SAMD5: variants seen among roughly 807,000 people sequenced by gnomAD.
SAMD5 encodes the protein sterile alpha motif domain-containing protein 5.
Under a neutral mutation model 11.3 loss-of-function variants are expected in SAMD5, and 13 were observed. That is an observed-to-expected ratio of 1.15 (90% CI 0.75 to 1.83). SAMD5 has a LOEUF of 1.83. SAMD5 is among the 40% of genes most tolerant of loss of function. SAMD5 has a pLI of 0.00. For missense variants in SAMD5, 255 were observed against 239.1 expected (o/e 1.07, Z -0.44); for synonymous variants, 129 against 111.3 (o/e 1.16, Z -1.00).
In SAMD5 at chr6:147,608,755, C is replaced by T. The variant is rs141342557; in HGVS notation, c.162+99368C>T. Among the ~76,000 whole-genome samples the T allele has an allele frequency of 4.5e-3, 678 of 152,148 alleles. 6 individuals are homozygous for T. Among genetic ancestry groups the T allele is most frequent in the African/African-American group, 0.016 (650 of 41,524 alleles). ...TGACAGCACAATCAACTTATGATAGCCAACCATAACTTAATTGTACATTTT... is the reference window on the plus strand; with the variant it reads ...TGACAGCACAATCAACTTATGATAGTCAACCATAACTTAATTGTACATTTT... On this transcript the variant is annotated intron_variant, in intron 1 of 1. Transcript: ENST00000566741.
chr6:147,705,891 T>C (rs916251784), intron 1 of SAMD5, among the ~76,000 whole-genome samples: 3 of 152,216 alleles, frequency 2.0e-5, no homozygotes, highest in African/African-American at 7.2e-5. Flanking sequence ...AACACTATAG[T>C]TTCCAACAAT....
chr6:147,761,288 AT>A, the SAMD5 span, among the ~76,000 whole-genome samples: 1 of 152,112 alleles, frequency 6.6e-6, no homozygotes, highest in East Asian at 1.9e-4. Context: ...GTTTTGTTAA[AT>A]TTTTTCAATG....
intron 1 of SAMD5, among the ~76,000 whole-genome samples, chr6:147,727,660 T>A (rs1583155802): frequency 1.3e-5 from 2 of 151,206 alleles, no homozygotes; most frequent in African/African-American, 4.9e-5. Context: ...GACTTAGGCA[T>A]CTGGCTTTTT....
At chr6:147,667,903 A>G (rs913302800) in intron 1 of SAMD5, among the ~76,000 whole-genome samples, 1 of 152,220 alleles carries the variant, frequency 6.6e-6, no homozygotes, top group Non-Finnish European at 1.5e-5. Flanking sequence ...TCTTTGTCCT[A>G]TAAAAAGTCC....
chr6:147,694,885 A>G (rs1562353542), intron 1 of SAMD5, among the ~76,000 whole-genome samples: 1 of 152,216 alleles, frequency 6.6e-6, no homozygotes, highest in Non-Finnish European at 1.5e-5. Context: ...GAAATTCTGA[A>G]CTCATATCAA....
chr6:147,523,146 G>T (rs1228052765), intron 1 of SAMD5, among the ~76,000 whole-genome samples: 1 of 151,952 alleles, frequency 6.6e-6, no homozygotes, highest in Non-Finnish European at 1.5e-5. Context: ...TATACACTTA[G>T]GAGCTGCTTG....
chr6:147,890,095 T>G, the SAMD5 span, among the ~76,000 whole-genome samples: 2 of 152,106 alleles, frequency 1.3e-5, no homozygotes, highest in Non-Finnish European at 2.9e-5. Context: ...TTTTAAATGT[T>G]TTGAACCAGG....
chr6:147,533,477 A>AAG (rs1554230995), intron 1 of SAMD5, among the ~76,000 whole-genome samples: 3 of 150,560 alleles, frequency 2.0e-5, no homozygotes, highest in Non-Finnish European at 4.4e-5. Context: ...AAAAAAAAAA[A>AAG]AAAGAAAGAA....
At chr6:147,607,898 T>A (rs946019867) in intron 1 of SAMD5, among the ~76,000 whole-genome samples, 13 of 152,142 alleles carry the variant, frequency 8.5e-5, no homozygotes, top group African/African-American at 3.1e-4. Flanking sequence ...GACAAGGGGT[T>A]AATAACCAGA....
Position 147,542,315 on chromosome 6 carries a change from C to T in SAMD5, c.460-22079C>T, listed in dbSNP as rs191290599. Among the ~76,000 whole-genome samples, 27 of 152,258 alleles carry T rather than the reference C, an allele frequency of 1.8e-4. No individual in the cohort carries two copies. The East Asian group carries it at 5.0e-3, about 28-fold the overall frequency. ...AGGGGCAGGTAGCCACAAGGACAATCCCGGACAAGCCCCCAAATTTGTAAC... is the reference window on the plus strand; with the variant it reads ...AGGGGCAGGTAGCCACAAGGACAATTCCGGACAAGCCCCCAAATTTGTAAC... On this transcript the variant is annotated intron_variant, in intron 1 of 1. Transcript: ENST00000367474.
the SAMD5 span, among the ~76,000 whole-genome samples, chr6:147,870,101 A>T: frequency 6.6e-6 from 1 of 152,130 alleles, no homozygotes; most frequent in East Asian, 1.9e-4. Context: ...CATGCATAGC[A>T]CATCTCAAGG....
the SAMD5 span, among the ~76,000 whole-genome samples, chr6:147,749,915 C>T: frequency 1.1e-3 from 169 of 152,154 alleles, no homozygotes; most frequent in African/African-American, 3.8e-3. Context: ...AAATAAAACC[C>T]GCTTATTTTC....
chr6:147,563,714 A>G (rs1788990957), intron 1 of SAMD5, among the ~76,000 whole-genome samples: 2 of 152,244 alleles, frequency 1.3e-5, no homozygotes, highest in Admixed American at 1.3e-4. Context: ...TAATTAGTGT[A>G]ATATAAACCC....
chr6:147,633,172 T>G (rs1790176463), intron 1 of SAMD5, among the ~76,000 whole-genome samples: 1 of 152,174 alleles, frequency 6.6e-6, no homozygotes, highest in Non-Finnish European at 1.5e-5. Flanking sequence ...CGTGATGAAT[T>G]TTGTTCTCAA....
chr6:147,669,420 CTTTTTTTTTT>C (rs55877273), intron 1 of SAMD5, among the ~76,000 whole-genome samples: 60 of 74,520 alleles, frequency 8.1e-4, no homozygotes, highest in African/African-American at 3.1e-3. Context: ...AGCTCCACTT[CTTTTTTTTTT>C]TTTTTTTTTT....
rs547107165 is a variant in SAMD5 at position 147,676,091 on chromosome 6, T to A, written c.163-61226T>A. The A allele has an allele frequency of 3.3e-5, 5 of 152,324 alleles. No individual in the cohort carries two copies. In the East Asian group the frequency reaches 9.6e-4, roughly 29 times the overall value. The allele number at this position is 152,324 out of a possible 1,614,324, so 9.4% of individuals were successfully genotyped here. A position where few individuals can be genotyped will look rare whatever the true frequency, so the allele number is the denominator to read the frequency against. On this transcript the variant is annotated intron_variant, in intron 1 of 1. Coordinates refer to the SAMD5 transcript ENST00000566741. ...TTCACTCAGTTGCCTGCTTGTAATG[T>A]TACCCCTGAGAAAAGTCATCTGAAA...
At chr6:147,664,557 C>CTTTT (rs1191321996) in intron 1 of SAMD5, among the ~76,000 whole-genome samples, 1 of 152,024 alleles carries the variant, frequency 6.6e-6, no homozygotes, top group African/African-American at 2.4e-5. Flanking sequence ...TTGAAGGACT[C>CTTTT]TTTTTTAAGT....
chr6:147,901,815 C>CCCAT, the SAMD5 span, among the ~76,000 whole-genome samples: 2 of 152,156 alleles, frequency 1.3e-5, no homozygotes, highest in Admixed American at 6.5e-5. Context: ...ACCCTTCATA[C>CCCAT]CCATGTCTTT....
At chr6:147,648,130 C>T (rs1790431983) in intron 1 of SAMD5, among the ~76,000 whole-genome samples, 1 of 152,148 alleles carries the variant, frequency 6.6e-6, no homozygotes, top group East Asian at 1.9e-4. Flanking sequence ...CTTTTTCACA[C>T]TGCTATAAAG....
Sources: allele counts gnomAD v4.1 joint callset (sites outside exome capture counted in the v4.1 genomes callset), GRCh38; gene constraint gnomAD v4.1.1; transcripts MANE v1.5; gene names NCBI Gene and HGNC (gene_info 2026-07-23, HGNC 2026-07-21).